CNTN5: variants seen among roughly 807,000 people sequenced by gnomAD.
The protein encoded by CNTN5 is contactin 5.
A neutral mutation model predicts 129.1 loss-of-function variants in CNTN5; 77 were observed. That is an observed-to-expected ratio of 0.60 (90% confidence interval 0.50 to 0.72). The LOEUF (loss-of-function observed/expected upper bound fraction) is 0.72, where lower values mean the gene tolerates loss of function less well. CNTN5 is among the 30% of genes least tolerant of loss of function. CNTN5 has a pLI of 0.00. For missense variants in CNTN5, 1,478 were observed against 1,328.8 expected (o/e 1.11, Z -1.75); for synonymous variants, 509 against 465.6 (o/e 1.09, Z -1.20).
chr11:100,341,525 AG>A (rs1952162666), intron 23 of CNTN5, among the ~76,000 whole-genome samples: 1 of 152,198 alleles, frequency 6.6e-6, no homozygotes, highest in Non-Finnish European at 1.5e-5. Context: ...TTCTTCCAGG[AG>A]ACTAACTTTG....
At position 99,025,935 on chromosome 11, in the gene CNTN5, A is replaced by T. The variant is rs536425835; in HGVS notation, c.-210+4665A>T. Among the ~76,000 whole-genome samples, 15 of 151,826 alleles carry T rather than the reference A, an allele frequency of 9.9e-5. No homozygotes were observed. The South Asian group carries it at 1.2e-3, about 13-fold the overall frequency. ...GAATTTAGAACAACTATTCTAATTC[A>T]CCTAGGTTCTCCCATTTCAGTTACA... On this transcript the variant is annotated intron_variant, in intron 1 of 24. Coordinates refer to ENST00000524871, the MANE Select transcript of CNTN5 (RefSeq NM_014361.4).
chr11:99,102,998 GAAGGCAA>G (rs969240008), intron 1 of CNTN5, among the ~76,000 whole-genome samples: 6 of 152,128 alleles, frequency 3.9e-5, no homozygotes, highest in African/African-American at 7.2e-5. Context: ...AGTCATGGCA[GAAGGCAA>G]AAGGCAAAAG....
At chr11:99,886,497 A>G (rs944211433) in intron 6 of CNTN5, among the ~76,000 whole-genome samples, 8 of 152,198 alleles carry the variant, frequency 5.3e-5, no homozygotes, top group Non-Finnish European at 1.0e-4. Context: ...TTGATGTCTA[A>G]TAAGTAGTCA....
At chr11:99,577,028 A>G (rs985690364) in intron 3 of CNTN5, among the ~76,000 whole-genome samples, 3 of 152,170 alleles carry the variant, frequency 2.0e-5, no homozygotes, top group African/African-American at 7.2e-5. Flanking sequence ...AGGGATTTCT[A>G]TGGTATTATG....
At chr11:100,307,032 G>A (rs1400749197) in intron 20 of CNTN5, among the ~76,000 whole-genome samples, 1 of 151,630 alleles carries the variant, frequency 6.6e-6, no homozygotes, top group Non-Finnish European at 1.5e-5. Context: ...GACCAACCAA[G>A]TCTTTTGCAG....
At chr11:100,183,937 C>G (rs1948216526) in intron 13 of CNTN5, among the ~76,000 whole-genome samples, 1 of 152,086 alleles carries the variant, frequency 6.6e-6, no homozygotes, top group South Asian at 2.1e-4. Flanking sequence ...CTGTTGCCAT[C>G]AGGATTGGCC....
intron 3 of CNTN5, among the ~76,000 whole-genome samples, chr11:99,628,652 A>G (rs1046284823): frequency 6.6e-6 from 1 of 151,192 alleles, no homozygotes; most frequent in Non-Finnish European, 1.5e-5. Context: ...ACACACACAC[A>G]GAAAGAGATA....
At chr11:99,491,558 T>C (rs1372073265) in intron 2 of CNTN5, among the ~76,000 whole-genome samples, 3 of 152,180 alleles carry the variant, frequency 2.0e-5, no homozygotes, top group Non-Finnish European at 4.4e-5. Flanking sequence ...CAATCCTGTT[T>C]CTACCCATTG....
At chr11:99,236,090 G>T (rs1481661996) in intron 1 of CNTN5, among the ~76,000 whole-genome samples, 1 of 152,108 alleles carries the variant, frequency 6.6e-6, no homozygotes, top group Non-Finnish European at 1.5e-5. Context: ...AACAGAAAAA[G>T]ACTTTGACCT....
chr11:99,251,340 G>A (rs1441620906), intron 1 of CNTN5, among the ~76,000 whole-genome samples: 2 of 151,814 alleles, frequency 1.3e-5, no homozygotes, highest in South Asian at 4.1e-4. Flanking sequence ...AATGCCTCCA[G>A]GTATACATGT....
chr11:100,275,868 G>C (rs1041090376), intron 18 of CNTN5, among the ~76,000 whole-genome samples: 1 of 152,212 alleles, frequency 6.6e-6, no homozygotes, highest in Non-Finnish European at 1.5e-5. Context: ...TAATGGTGTT[G>C]AGCCAAGTGT....
chr11:100,224,865 C>T, intron 16 of CNTN5, 53 bp downstream of exon 16: 1 of 1,581,954 alleles, frequency 6.3e-7, no homozygotes, highest in East Asian at 2.2e-5. Flanking sequence ...AATTATCATA[C>T]AAAGGAATTT....
chr11:99,787,101 GT>G (rs1429867110), intron 3 of CNTN5, among the ~76,000 whole-genome samples: 1 of 143,602 alleles, frequency 7.0e-6, no homozygotes, highest in Non-Finnish European at 1.5e-5. Context: ...TTTTTTTTTT[GT>G]TTTTTATTTA....
intron 7 of CNTN5, among the ~76,000 whole-genome samples, chr11:99,920,909 C>T (rs989831147): frequency 6.6e-6 from 1 of 151,708 alleles, no homozygotes; most frequent in African/African-American, 2.4e-5. Context: ...GGAGATGGGG[C>T]TTTTTTTTAG....
At chr11:99,925,218 G>C (rs1032833424) in intron 7 of CNTN5, among the ~76,000 whole-genome samples, 6 of 152,102 alleles carry the variant, frequency 3.9e-5, no homozygotes, top group African/African-American at 1.4e-4. Context: ...GATCTCAGAG[G>C]GAAGGAAAAT....
At chr11:99,291,894 A>C (rs1864186272) in intron 1 of CNTN5, among the ~76,000 whole-genome samples, 1 of 152,056 alleles carries the variant, frequency 6.6e-6, no homozygotes. Flanking sequence ...AGAAGAAAGA[A>C]TGCAAATAAG....
At chr11:99,570,713 T>C (rs1949149289) in intron 3 of CNTN5, among the ~76,000 whole-genome samples, 1 of 152,140 alleles carries the variant, frequency 6.6e-6, no homozygotes, top group African/African-American at 2.4e-5. Flanking sequence ...ACAGACACTT[T>C]AGCAAGAAAT....
chr11:99,037,200 C>T (rs972604600), intron 1 of CNTN5, among the ~76,000 whole-genome samples: 2 of 152,188 alleles, frequency 1.3e-5, no homozygotes, highest in Admixed American at 6.5e-5. Context: ...AACACTGCTT[C>T]AGGGAATCTC....
At chr11:100,137,554 A>G (rs554860149) in intron 13 of CNTN5, among the ~76,000 whole-genome samples, 42 of 152,056 alleles carry the variant, frequency 2.8e-4, no homozygotes, top group Non-Finnish European at 4.1e-4. Flanking sequence ...ATCTCAAATT[A>G]TCCATGTAAT....
Sources: allele counts gnomAD v4.1 joint callset (sites outside exome capture counted in the v4.1 genomes callset), GRCh38; gene constraint gnomAD v4.1.1; transcripts MANE v1.5; gene names NCBI Gene and HGNC (gene_info 2026-07-23, HGNC 2026-07-21).